Variants in TLE2 observed in about 807,000 individuals in gnomAD.
TLE2 encodes the protein transducin-like enhancer protein 2.
Under a neutral mutation model 97.2 loss-of-function variants are expected in TLE2, and 74 were observed. That is an observed-to-expected ratio of 0.76 (90% CI 0.63 to 0.92). The LOEUF (loss-of-function observed/expected upper bound fraction) is 0.92, where lower values mean the gene tolerates loss of function less well. Among genes scored for constraint, TLE2 ranks in the 40% least tolerant of loss-of-function variants. TLE2 has a pLI of 0.00. For missense variants in TLE2, 1,038 were observed against 1,008.7 expected (o/e 1.03, Z -0.39); for synonymous variants, 499 against 432.1 (o/e 1.15, Z -1.92).
Position 3,015,763 on chromosome 19 carries a change from G to A in TLE2, c.571-3C>T. The A allele has an allele frequency of 6.2e-7, 1 of 1,602,550 alleles. No individual in the cohort carries two copies. Among genetic ancestry groups the A allele is most frequent in the Non-Finnish European group, 8.5e-7 (1 of 1,175,096 alleles). On this transcript the variant is annotated splice_region_variant and splice_polypyrimidine_tract_variant and intron_variant, in intron 8 of 19. Coordinates refer to ENST00000262953, the MANE Select transcript of TLE2 (RefSeq NM_003260.5). ...TCAGGGGGCGAGGGAGATGCACTCT[G>A]CGGAGAGACAAAGGCCGGGGGGAGA...
rs2089244130 is a variant in TLE2 at position 2,997,653 on chromosome 19, TAC to T, written c.*193_*194del. 1 of 581,604 alleles carries T rather than the reference TAC, an allele frequency of 1.7e-6. No homozygotes were observed. Among genetic ancestry groups the T allele is most frequent in the Non-Finnish European group, 3.1e-6 (1 of 323,334 alleles). 36.0% of individuals were successfully genotyped at this position (581,604 alleles called of 1,614,324 possible). A position where few individuals can be genotyped will look rare whatever the true frequency, so the allele number is the denominator to read the frequency against. ...GAGAGAGAAGTGCGGATGTGATAGA[TAC>T]ATTTTATTTCCACCGAGGTCCCCTG... On this transcript the variant is annotated 3_prime_UTR_variant, in exon 20 of 20. Transcript: ENST00000262953.
intron 19 of TLE2, among the ~76,000 whole-genome samples, chr19:2,998,488 G>A (rs1025683654): frequency 1.3e-5 from 2 of 151,966 alleles, no homozygotes; most frequent in African/African-American, 4.8e-5. Flanking sequence ...ATGTTGGCCA[G>A]GTTGGGCTTG....
intron 4 of TLE2, chr19:3,025,351 C>A (rs2089924116): frequency 8.1e-7 from 1 of 1,239,142 alleles, no homozygotes; most frequent in Non-Finnish European, 1.0e-6. Flanking sequence ...ACACCACCCG[C>A]CAGACGCACA....
At chr19:3,014,520 C>G (rs772460167) in intron 10 of TLE2, 50 bp downstream of exon 10, 11 of 1,502,546 alleles carry the variant, frequency 7.3e-6, no homozygotes, top group Admixed American at 6.3e-5. Context: ...GAAAACCCAC[C>G]CCTTGCTCTG....
chr19:3,024,126 G>A (rs896294121), intron 5 of TLE2, among the ~76,000 whole-genome samples: 3 of 149,118 alleles, frequency 2.0e-5, no homozygotes, highest in East Asian at 4.0e-4. Context: ...TCAGCCTCCC[G>A]AGTAGCTGGG....
intron 8 of TLE2, among the ~76,000 whole-genome samples, chr19:3,016,699 G>C (rs1568241221): frequency 6.6e-6 from 1 of 152,138 alleles, no homozygotes; most frequent in Non-Finnish European, 1.5e-5. Flanking sequence ...CTGATGGCTA[G>C]GCGAACGGAA....
chr19:3,009,058 C>T (rs997825597), intron 13 of TLE2, 113 bp from the exon 14 acceptor site: 1 of 767,146 alleles, frequency 1.3e-6, no homozygotes, highest in Admixed American at 3.1e-5. Context: ...CCCAAGGCAG[C>T]AGAGATGCCT....
intron 3 of TLE2, among the ~76,000 whole-genome samples, chr19:3,028,109 G>A (rs532772495): frequency 2.2e-3 from 338 of 152,212 alleles, no homozygotes; most frequent in African/African-American, 7.9e-3. Context: ...GCCCTGGCCC[G>A]ACAGAGACTC....
intron 19 of TLE2, 115 bp from the exon 20 acceptor site, chr19:2,998,070 T>C (rs2089256219): frequency 2.9e-6 from 2 of 678,308 alleles, no homozygotes; most frequent in Admixed American, 4.8e-5. Context: ...GCCTACAGAG[T>C]GACGTGTTTC....
upstream of TLE2, among the ~76,000 whole-genome samples, chr19:3,047,296 C>A (rs1331427274): frequency 6.1e-5 from 9 of 146,436 alleles, no homozygotes; most frequent in African/African-American, 2.3e-4. Context: ...GGAGGGGGCT[C>A]GGAGCCCGCG....
upstream of TLE2, among the ~76,000 whole-genome samples, chr19:3,046,753 G>A (rs938264057): frequency 4.6e-5 from 7 of 152,010 alleles, no homozygotes; most frequent in East Asian, 3.9e-4. Context: ...TGGTGGGGTC[G>A]GAGAAGGGGA....
At chr19:3,031,343 TG>T (rs1311938871), upstream of TLE2, among the ~76,000 whole-genome samples, 2 of 5,312 alleles carry the variant, frequency 3.8e-4, no homozygotes, top group Non-Finnish European at 1.2e-3. Flanking sequence ...AAGATACAAT[TG>T]TGTGTGTGTG....
chr19:3,040,512 T>C (rs2090092513), intron 1 of TLE2, among the ~76,000 whole-genome samples: 1 of 151,976 alleles, frequency 6.6e-6, no homozygotes, highest in South Asian at 2.1e-4. Flanking sequence ...GGCTCATTTT[T>C]GTATTTTTAG....
chr19:3,041,016 T>TATATAA (rs59416200), intron 1 of TLE2, among the ~76,000 whole-genome samples: 1 of 50,632 alleles, frequency 2.0e-5, no homozygotes, highest in African/African-American at 1.3e-4. Flanking sequence ...TATATATATT[T>TATATAA]TTTTTTTTTT....
At chr19:3,024,995 T>TCCCCCCCCCCCCCCGC in intron 5 of TLE2, 25 bp downstream of exon 5, 1 of 790,214 alleles carries the variant, frequency 1.3e-6, no homozygotes, top group Non-Finnish European at 2.0e-6. Context: ...CTTCCCCTCC[T>TCCCCCCCCCCCCCCGC]CCCCCCACCC....
At chr19:2,999,415 C>T (rs2089300141) in intron 19 of TLE2, among the ~76,000 whole-genome samples, 1 of 152,130 alleles carries the variant, frequency 6.6e-6, no homozygotes, top group Non-Finnish European at 1.5e-5. Context: ...ATTTCAATCA[C>T]TGCTGATGGG....
In TLE2 at chr19:3,015,736, T is replaced by C; in HGVS notation, c.595A>G (p.Ser199Gly). 1.2e-6 allele frequency: 2 copies of C among 1,610,640 alleles called. No homozygotes were observed. The highest frequency in any genetic ancestry group is 8.5e-7 in the Non-Finnish European group (1 of 1,179,066). The change falls in exon 9 of 20, where the codon AGT becomes GGT. Residue 199 changes from serine (S) to glycine (G), a missense_variant. By Grantham distance (56) the Ser-to-Gly change is moderately conservative (BLOSUM62 0). Coordinates refer to ENST00000262953, the MANE Select transcript of TLE2 (RefSeq NM_003260.5). The part of the protein sequence containing the change: ...SRSASPSPPE[S>G]LVEEERPSGP... Reference sequence around the variant, plus strand: ...CTCGGTCGCTCCTCCTCCACGAGACTCTCAGGGGGCGAGGGAGATGCACTC... The same window carrying C: ...CTCGGTCGCTCCTCCTCCACGAGACCCTCAGGGGGCGAGGGAGATGCACTC...
rs200130970 is a variant in TLE2 at position 3,015,756 on chromosome 19, G to A, written c.575C>T (p.Ala192Val). The change falls in exon 9 of 20, where the codon GCA (alanine) becomes GTA (valine). Residue 192 changes from alanine (A) to valine (V), a missense_variant. By Grantham distance (64) the Ala-to-Val change is moderately conservative. Transcript: ENST00000262953. ...SRVERAPSRS[A>V]SPSPPESLVE... is the part of the protein sequence containing the mutation. ...GAGACTCTCAGGGGGCGAGGGAGATGCACTCTGCGGAGAGACAAAGGCCGG... is the reference window on the plus strand; with the variant it reads ...GAGACTCTCAGGGGGCGAGGGAGATACACTCTGCGGAGAGACAAAGGCCGG... The A allele has an allele frequency of 2.2e-5, 36 of 1,605,334 alleles. No homozygotes were observed. The East Asian group carries it at 2.9e-4, about 13-fold the overall frequency.
chr19:3,046,699 C>T (rs1304845980), upstream of TLE2, among the ~76,000 whole-genome samples: 1 of 151,944 alleles, frequency 6.6e-6, no homozygotes, highest in Non-Finnish European at 1.5e-5. Context: ...GATCTCCTCA[C>T]CTGCTGGAAC....
Sources: allele counts gnomAD v4.1 joint callset (sites outside exome capture counted in the v4.1 genomes callset), GRCh38; gene constraint gnomAD v4.1.1; transcripts MANE v1.5; gene names NCBI Gene and HGNC (gene_info 2026-07-23, HGNC 2026-07-21).